SLC7A11: variants seen among roughly 807,000 people sequenced by gnomAD.
The protein encoded by SLC7A11 is solute carrier family 7 member 11, also known as cystine/glutamate transporter.
In SLC7A11, 35 loss-of-function variants were observed where a neutral mutation model predicts 54.5. That is an observed-to-expected ratio of 0.64 (90% CI 0.49 to 0.85). SLC7A11 has a LOEUF of 0.85. Ranked by LOEUF, SLC7A11 falls within the 40% of genes least tolerant of loss-of-function variation. SLC7A11 has a pLI of 0.00. For synonymous variants in SLC7A11, 230 were observed against 225.2 expected (o/e 1.02, Z -0.19); for missense variants, 583 against 618.1 (o/e 0.94, Z 0.60).
chr4:138,237,713 ATATATATATATATATATATATATATTTT>A lies in SLC7A11; in HGVS notation c.278-1290_278-1263del, dbSNP rs1299591954. 3.3e-3 allele frequency among the ~76,000 whole-genome samples: 19 copies of A among 5,714 alleles called. 1 individual carries two copies. The highest frequency in any genetic ancestry group is 0.027 in the East Asian group (5 of 188). The allele number at this position is 5,714 out of a possible 152,430, so 3.7% of individuals were successfully genotyped here. On this transcript the variant is annotated intron_variant, in intron 1 of 11. Coordinates refer to ENST00000280612, the MANE Select transcript of SLC7A11 (RefSeq NM_014331.4). ...GCGCCTAGCCAGAATATATATATAT[ATATATATATATATATATATATATATTTT>A]TTTTTTTTTTTTTTTTTTTTTTTTT... is the stretch of plus-strand genomic sequence containing the variant.
At position 138,168,029 on chromosome 4, in the gene SLC7A11, A is replaced by T. The variant is rs998284587; in HGVS notation, c.*3927T>A. The T allele has an allele frequency of 2.0e-5, 3 of 152,186 alleles. No individual in the cohort carries two copies. Among genetic ancestry groups the T allele is most frequent in the African/African-American group, 7.2e-5 (3 of 41,448 alleles). 9.4% of individuals were successfully genotyped at this position (152,186 alleles called of 1,614,324 possible). ...TATGGATATTTCAATTAACTCATAA[A>T]TTTTTAAAAACATATCCTCCATACT... On this transcript the variant is annotated 3_prime_UTR_variant, in exon 12 of 12. Coordinates refer to ENST00000280612, the MANE Select transcript of SLC7A11 (RefSeq NM_014331.4).
intron 11 of SLC7A11, 28 bp downstream of exon 11, chr4:138,179,189 A>G (rs140371498): frequency 4.0e-6 from 6 of 1,498,164 alleles, no homozygotes; most frequent in East Asian, 2.3e-5. Context: ...GTGTTGCACA[A>G]TGTCCTGAAA....
At chr4:138,223,051 C>G (rs1560736113) in intron 4 of SLC7A11, 148 bp downstream of exon 4, 2 of 632,124 alleles carry the variant, frequency 3.2e-6, no homozygotes, top group African/African-American at 1.8e-5. Flanking sequence ...AATGTAGCAG[C>G]CTTTCAAATC....
intron 6 of SLC7A11, among the ~76,000 whole-genome samples, chr4:138,190,853 A>G (rs1464983490): frequency 6.6e-6 from 1 of 152,146 alleles, no homozygotes; most frequent in East Asian, 1.9e-4. Context: ...AAGAAAACAA[A>G]TAGTTTTCCA....
intron 3 of SLC7A11, among the ~76,000 whole-genome samples, chr4:138,225,585 T>C (rs555929006): frequency 1.2e-4 from 19 of 152,164 alleles, no homozygotes; most frequent in African/African-American, 4.6e-4. Flanking sequence ...ATATGGAAAA[T>C]AAGTTAGTGT....
chr4:138,209,743 A>G (rs1737502611), intron 6 of SLC7A11, among the ~76,000 whole-genome samples: 2 of 152,140 alleles, frequency 1.3e-5, no homozygotes, highest in Non-Finnish European at 1.5e-5. Context: ...GAAAACATAG[A>G]TAACACAAAC....
intron 6 of SLC7A11, among the ~76,000 whole-genome samples, chr4:138,203,120 C>A (rs1361733129): frequency 6.6e-6 from 1 of 152,042 alleles, no homozygotes; most frequent in Admixed American, 6.6e-5. Context: ...TTCTTCCCTC[C>A]CCACCCCAAT....
chr4:138,191,956 AT>A (rs1737022633), intron 6 of SLC7A11, among the ~76,000 whole-genome samples: 1 of 152,170 alleles, frequency 6.6e-6, no homozygotes, highest in South Asian at 2.1e-4. Flanking sequence ...AACACAAAAT[AT>A]TTTAATAGTA....
Position 138,242,332 on chromosome 4 carries a change from G to A in SLC7A11, c.-263C>T, listed in dbSNP as rs2148462205. The A allele has an allele frequency of 3.9e-6, 2 of 511,256 alleles. No homozygotes were observed. The highest frequency in any genetic ancestry group is 3.6e-5 in the East Asian group (1 of 27,680). 31.7% of individuals were successfully genotyped at this position (511,256 alleles called of 1,614,324 possible). A position where few individuals can be genotyped will look rare whatever the true frequency, so the allele number is the denominator to read the frequency against. On this transcript the variant is annotated 5_prime_UTR_variant, in exon 1 of 12. Transcript: ENST00000280612. Reference sequence around the variant, plus strand: ...CACTGCTGCTGCTGCTGCTGCTGCCGCCCTATCATTACAAACCAGCTCAGC... The same window carrying A: ...CACTGCTGCTGCTGCTGCTGCTGCCACCCTATCATTACAAACCAGCTCAGC...
intron 6 of SLC7A11, among the ~76,000 whole-genome samples, chr4:138,195,012 AC>A (rs1481254417): frequency 6.6e-6 from 1 of 152,194 alleles, no homozygotes; most frequent in Non-Finnish European, 1.5e-5. Flanking sequence ...TAGGATGCCA[AC>A]TTTACAATCT....
intron 6 of SLC7A11, among the ~76,000 whole-genome samples, chr4:138,194,624 T>C (rs143385167): frequency 3.7e-4 from 57 of 152,290 alleles, no homozygotes; most frequent in African/African-American, 1.3e-3. Context: ...AATGTCTATA[T>C]ATACCATCCC....
rs1737750538 is a variant in SLC7A11 at position 138,219,298 on chromosome 4, A to C, written c.714T>G (p.Ala238=). 6 of 1,609,994 alleles carry C rather than the reference A, an allele frequency of 3.7e-6. No individual in the cohort carries two copies. The highest frequency in any genetic ancestry group is 1.6e-4 in the Middle Eastern group (1 of 6,070). The change falls in exon 5 of 12, where the codon GCT becomes GCG. Residue 238 remains alanine, a synonymous_variant. Coordinates refer to ENST00000280612, the MANE Select transcript of SLC7A11 (RefSeq NM_014331.4). ...RDSSITRLPL[A]FYYGMYAYAG... is the part of the protein sequence containing the mutation. ...CATATGCATACATTCCATAATAAAA[A>C]GCCAGTGGCAACCGCGTAATACTTG...
chr4:138,222,323 T>C (rs1487846480), intron 4 of SLC7A11, among the ~76,000 whole-genome samples: 2 of 152,250 alleles, frequency 1.3e-5, no homozygotes, highest in African/African-American at 4.8e-5. Context: ...TGTGTAATTC[T>C]TCTGCAACGT....
Position 138,169,038 on chromosome 4 carries a change from A to C in SLC7A11, c.*2918T>G, listed in dbSNP as rs1302562600. The C allele has an allele frequency of 6.6e-6, 1 of 152,162 alleles. No homozygotes were observed. The highest frequency in any genetic ancestry group is 1.9e-4 in the East Asian group (1 of 5,202). 9.4% of individuals were successfully genotyped at this position (152,162 alleles called of 1,614,324 possible). A position where few individuals can be genotyped will look rare whatever the true frequency, so the allele number is the denominator to read the frequency against. ...TATTTGAGAATCCATCCCCACAAAA[A>C]TTAAAAAATACTATATTAGTTATTT... On this transcript the variant is annotated 3_prime_UTR_variant, in exon 12 of 12. Coordinates refer to ENST00000280612, the MANE Select transcript of SLC7A11 (RefSeq NM_014331.4).
intron 6 of SLC7A11, among the ~76,000 whole-genome samples, chr4:138,186,996 T>C (rs527730940): frequency 6.6e-6 from 1 of 152,292 alleles, no homozygotes; most frequent in East Asian, 1.9e-4. Flanking sequence ...AAAGTTTCCA[T>C]TGATAAAAAA....
At chr4:138,186,512 C>T (rs962475738) in intron 6 of SLC7A11, among the ~76,000 whole-genome samples, 1 of 152,104 alleles carries the variant, frequency 6.6e-6, no homozygotes, top group African/African-American at 2.4e-5. Flanking sequence ...GACACTTCCC[C>T]GGATTCCCAA....
chr4:138,188,447 C>T (rs538860971), intron 6 of SLC7A11, among the ~76,000 whole-genome samples: 27 of 152,238 alleles, frequency 1.8e-4, no homozygotes, highest in Admixed American at 1.3e-3. Flanking sequence ...TTCCATTTCA[C>T]TTTGACAGAG....
chr4:138,174,787 A>C (rs1736528344), intron 11 of SLC7A11: 1 of 152,196 alleles, frequency 6.6e-6, no homozygotes, highest in Non-Finnish European at 1.5e-5. Context: ...GTTTTCAGTA[A>C]CTGTAAGGTA....
Position 138,183,322 on chromosome 4 carries a change from C to G in SLC7A11, c.916-17G>C. The G allele has an allele frequency of 8.4e-6, 13 of 1,552,112 alleles. No homozygotes were observed. The highest frequency in any genetic ancestry group is 1.2e-5 in the Non-Finnish European group (13 of 1,128,180). ...AGAAAAGGTCTAGTGAAAGAAAGAA[C>G]GAAGCAAATTAATGCCTTGCCAGAA... On this transcript the variant is annotated splice_polypyrimidine_tract_variant and intron_variant, in intron 7 of 11. Transcript: ENST00000280612.
Sources: gnomAD v4.1 joint callset for allele counts (sites outside exome capture counted in the v4.1 genomes callset) on GRCh38, gnomAD v4.1.1 for gene constraint, MANE v1.5 for transcripts, NCBI Gene and HGNC (gene_info 2026-07-23, HGNC 2026-07-21) for gene names.